The following ELMO1 variants were observed in gnomAD, a reference collection of about 807,000 sequenced individuals.
ELMO1 encodes engulfment and cell motility protein 1.
A neutral mutation model predicts 98.9 loss-of-function variants in ELMO1; 26 were observed. The ratio of observed to expected loss-of-function variants is 0.26; its 90% CI spans 0.19 to 0.36. The LOEUF (loss-of-function observed/expected upper bound fraction) is 0.36. Among genes scored for constraint, ELMO1 ranks in the 10% least tolerant of loss-of-function variants. The pLI is 1.00. For synonymous variants in ELMO1, 346 were observed against 346.0 expected (o/e 1.00, Z 0.00); for missense variants, 627 against 935.2 (o/e 0.67, Z 4.30).
chr7:37,106,851 C>G (rs1339491026), intron 14 of ELMO1, among the ~76,000 whole-genome samples: 1 of 152,158 alleles, frequency 6.6e-6, no homozygotes, highest in Non-Finnish European at 1.5e-5. Flanking sequence ...CCCAGTACTT[C>G]TCAAACTTTA....
chr7:37,408,654 G>A (rs1015310286), intron 1 of ELMO1, among the ~76,000 whole-genome samples: 15 of 152,096 alleles, frequency 9.9e-5, no homozygotes, highest in African/African-American at 2.9e-4. Context: ...GAGGTAAGCC[G>A]GCCACAAAAA....
intron 16 of ELMO1, among the ~76,000 whole-genome samples, chr7:36,997,582 C>A (rs1326242192): frequency 6.6e-6 from 1 of 152,102 alleles, no homozygotes; most frequent in African/African-American, 2.4e-5. Context: ...TTAGAGCCCA[C>A]AGAAGCAGCA....
intron 15 of ELMO1, among the ~76,000 whole-genome samples, chr7:37,067,901 T>C (rs1185197228): frequency 2.6e-5 from 4 of 152,212 alleles, no homozygotes; most frequent in African/African-American, 9.6e-5. Flanking sequence ...ATATAAACTC[T>C]AGGCGAGCTA....
chr7:37,246,492 A>T (rs540188816), intron 6 of ELMO1, among the ~76,000 whole-genome samples: 50 of 152,298 alleles, frequency 3.3e-4, no homozygotes, highest in African/African-American at 1.2e-3. Context: ...AAGAGATACC[A>T]TGTGCCATCA....
chr7:37,234,535 C>T (rs1217576282), intron 7 of ELMO1, among the ~76,000 whole-genome samples: 1 of 152,186 alleles, frequency 6.6e-6, no homozygotes, highest in Non-Finnish European at 1.5e-5. Flanking sequence ...AGACCAGGGG[C>T]AACAGAGGGG....
chr7:37,334,220 C>T (rs575450334), intron 2 of ELMO1, among the ~76,000 whole-genome samples: 6 of 152,226 alleles, frequency 3.9e-5, no homozygotes, highest in South Asian at 4.2e-4. Context: ...AGACTCTGTC[C>T]ACCGCCCAAG....
chr7:37,368,785 T>C (rs575095882), intron 1 of ELMO1, among the ~76,000 whole-genome samples: 25 of 152,162 alleles, frequency 1.6e-4, no homozygotes, highest in Non-Finnish European at 2.9e-4. Context: ...CAGGGGAACT[T>C]TGTTACTTAT....
intron 16 of ELMO1, among the ~76,000 whole-genome samples, chr7:36,907,143 T>C (rs554972993): frequency 4.0e-5 from 6 of 151,080 alleles, no homozygotes; most frequent in Admixed American, 1.3e-4. Context: ...TCTAGAGTTA[T>C]GTGCAAACAA....
chr7:37,310,324 C>A (rs1044728270), intron 4 of ELMO1, among the ~76,000 whole-genome samples: 2 of 152,242 alleles, frequency 1.3e-5, no homozygotes, highest in African/African-American at 4.8e-5. Flanking sequence ...AAGCACACAA[C>A]CTAACCTCCT....
At chr7:37,086,014 G>A (rs988641327) in intron 15 of ELMO1, among the ~76,000 whole-genome samples, 11 of 152,216 alleles carry the variant, frequency 7.2e-5, no homozygotes, top group Admixed American at 3.9e-4. Flanking sequence ...CAGCAACACC[G>A]TTGACCTGCT....
intron 16 of ELMO1, among the ~76,000 whole-genome samples, chr7:36,979,961 C>G (rs1317167202): frequency 6.6e-6 from 1 of 152,192 alleles, no homozygotes; most frequent in Non-Finnish European, 1.5e-5. Context: ...AGAATTCCAA[C>G]CAAGTTGGAA....
At chr7:37,350,058 G>T (rs1801188568) in intron 1 of ELMO1, among the ~76,000 whole-genome samples, 1 of 152,164 alleles carries the variant, frequency 6.6e-6, no homozygotes, top group Non-Finnish European at 1.5e-5. Context: ...ACACTGGAGG[G>T]TCTGGATGGA....
chr7:36,859,207 A>C (rs1172990579), intron 21 of ELMO1, among the ~76,000 whole-genome samples: 1 of 152,200 alleles, frequency 6.6e-6, no homozygotes, highest in African/African-American at 2.4e-5. Context: ...CAAAGTATGA[A>C]AGAAAAAAAC....
At chr7:37,177,402 G>A (rs1341386781) in intron 13 of ELMO1, among the ~76,000 whole-genome samples, 1 of 152,198 alleles carries the variant, frequency 6.6e-6, no homozygotes, top group Non-Finnish European at 1.5e-5. Context: ...AAACTTCAGA[G>A]CTAATTAAAT....
rs776212846 is a variant in ELMO1 at position 36,887,577 on chromosome 7, T to C, written c.1697A>G (p.Asn566Ser). The C allele has an allele frequency of 1.5e-5, 25 of 1,613,964 alleles. No individual in the cohort carries two copies. The highest frequency in any genetic ancestry group is 1.6e-4 in the Middle Eastern group (1 of 6,080). The change falls in exon 18 of 22, where the codon AAT (asparagine) becomes AGT (serine). Residue 566 changes from asparagine to serine, a missense_variant. Transcript: ENST00000310758. ...LVEGTCFRKL[N>S]ARRRQDKFWY... ...AACAATACCTTGCCTCCGCCGGGCATTGAGTTTCCTAAAGCAGGTCCCTTC... is the reference window on the plus strand; with the variant it reads ...AACAATACCTTGCCTCCGCCGGGCACTGAGTTTCCTAAAGCAGGTCCCTTC...
chr7:36,959,425 C>T (rs373426732), intron 16 of ELMO1, among the ~76,000 whole-genome samples: 32 of 152,286 alleles, frequency 2.1e-4, no homozygotes, highest in African/African-American at 7.5e-4. Flanking sequence ...TGGCCCCTGG[C>T]TAATGTTGAG....
rs1056634942 is a variant in ELMO1 at position 36,923,281 on chromosome 7, A to G, written c.1438-28264T>C. Among the ~76,000 whole-genome samples, 3 of 152,266 alleles carry G rather than the reference A, an allele frequency of 2.0e-5. No homozygotes were observed. The South Asian group carries it at 6.2e-4, about 31-fold the overall frequency. On this transcript the variant is annotated intron_variant, in intron 16 of 21. Transcript: ENST00000310758. ...AACTAATGGGTTTGTTAGCATAACA[A>G]TGAGTGAAATTTATCCTGAAATTGG...
chr7:36,924,102 C>T (rs975148920), intron 16 of ELMO1, among the ~76,000 whole-genome samples: 29 of 152,300 alleles, frequency 1.9e-4, no homozygotes, highest in African/African-American at 6.7e-4. Flanking sequence ...ATTAGAACAA[C>T]TGCTCTTCTA....
chr7:37,315,639 G>A (rs866283416), intron 3 of ELMO1, among the ~76,000 whole-genome samples: 11 of 152,154 alleles, frequency 7.2e-5, no homozygotes. Context: ...AACCTTTAGA[G>A]TACTCCCTGC....
Sources: gnomAD v4.1 joint callset for allele counts (sites outside exome capture counted in the v4.1 genomes callset) on GRCh38, gnomAD v4.1.1 for gene constraint, MANE v1.5 for transcripts, NCBI Gene and HGNC (gene_info 2026-07-23, HGNC 2026-07-21) for gene names.